Variants in APOLD1 observed in about 807,000 individuals in gnomAD.
APOLD1 encodes apolipoprotein L domain-containing protein 1.
In APOLD1, 22 loss-of-function variants were observed where a neutral mutation model predicts 15.3. That is an observed-to-expected ratio of 1.44 (90% CI 1.03 to 2.05). The LOEUF is 2.05. Among genes scored for constraint, APOLD1 ranks in the 30% most tolerant of loss-of-function variants. APOLD1 has a pLI of 0.00. For synonymous variants in APOLD1, 190 were observed against 167.4 expected, an observed-to-expected ratio of 1.13 and a Z score of -1.04; for missense variants, 394 against 353.5, an observed-to-expected ratio of 1.11 and a Z score of -0.92.
At chr12:12,773,071 C>A (rs1050123018) in intron 1 of APOLD1, among the ~76,000 whole-genome samples, 6 of 151,756 alleles carry the variant, frequency 4.0e-5, no homozygotes, top group Admixed American at 3.9e-4. Flanking sequence ...AGAGTGATAT[C>A]CTGTCTCTAA....
At chr12:12,784,010 G>A (rs1422696175), upstream of APOLD1, among the ~76,000 whole-genome samples, 4 of 152,048 alleles carry the variant, frequency 2.6e-5, no homozygotes, top group Non-Finnish European at 5.9e-5. Flanking sequence ...CCTCCATAAA[G>A]AGGCAAATAC....
At chr12:12,734,671 T>C (rs1012888044) in intron 1 of APOLD1, among the ~76,000 whole-genome samples, 1 of 152,220 alleles carries the variant, frequency 6.6e-6, no homozygotes, top group Non-Finnish European at 1.5e-5. Context: ...ACAAACCACA[T>C]ATTCAGAATC....
Position 12,788,776 on chromosome 12 carries a change from C to A in APOLD1, c.*1124C>A, listed in dbSNP as rs1592312829. 1.3e-5 allele frequency: 2 copies of A among 152,208 alleles called. No homozygotes were observed. Among genetic ancestry groups the A allele is most frequent in the African/African-American group, 2.4e-5 (1 of 41,458 alleles). The allele number at this position is 152,208 out of a possible 1,614,324, so 9.4% of individuals were successfully genotyped here. A position where few individuals can be genotyped will look rare whatever the true frequency, so the allele number is the denominator to read the frequency against. On this transcript the variant is annotated 3_prime_UTR_variant, in exon 2 of 2. Transcript: ENST00000356591. ...TGAAAATCACTGCAACAAATGCTAA[C>A]TTCTAATCCCCTTGATGAGCTTTCA...
At chr12:12,782,605 T>G (rs1159291374), upstream of APOLD1, among the ~76,000 whole-genome samples, 1 of 152,158 alleles carries the variant, frequency 6.6e-6, no homozygotes, top group Non-Finnish European at 1.5e-5. Flanking sequence ...AGGTCAAGGC[T>G]GCGGTGAGGC....
intron 1 of APOLD1, among the ~76,000 whole-genome samples, chr12:12,731,089 C>T (rs917322823): frequency 5.3e-5 from 8 of 151,926 alleles, no homozygotes; most frequent in Non-Finnish European, 1.0e-4. Flanking sequence ...TGCAGTGGGC[C>T]GAGATCGCAC....
chr12:12,743,418 C>G (rs868524517), intron 1 of APOLD1, among the ~76,000 whole-genome samples: 1 of 151,766 alleles, frequency 6.6e-6, no homozygotes, highest in Non-Finnish European at 1.5e-5. Context: ...ATGAGGAGAG[C>G]GGTTTGGATT....
chr12:12,760,680 A>G (rs182305134), intron 1 of APOLD1, among the ~76,000 whole-genome samples: 110 of 152,094 alleles, frequency 7.2e-4, no homozygotes, highest in African/African-American at 2.5e-3. Flanking sequence ...ACAACCAAAC[A>G]AACAAAACCC....
Position 12,790,760 on chromosome 12 carries a change from G to A in APOLD1, c.*3108G>A, listed in dbSNP as rs1033002917. 1 of 152,250 alleles carries A rather than the reference G, an allele frequency of 6.6e-6. No individual in the cohort carries two copies. Among genetic ancestry groups the A allele is most frequent in the Non-Finnish European group, 1.5e-5 (1 of 68,048 alleles). 9.4% of individuals were successfully genotyped at this position (152,250 alleles called of 1,614,324 possible). On this transcript the variant is annotated 3_prime_UTR_variant, in exon 2 of 2. Transcript: ENST00000356591. ...AACAAAAGATCATCCATCGCCTTAT[G>A]TGTGAGTAAGATTGGAGCCTCTATC... is the stretch of plus-strand genomic sequence containing the variant.
intron 1 of APOLD1, among the ~76,000 whole-genome samples, chr12:12,770,636 T>C (rs983139539): frequency 6.8e-6 from 1 of 146,624 alleles, no homozygotes; most frequent in African/African-American, 2.5e-5. Context: ...AAGGTATAAG[T>C]GTGTAATGAG....
intron 1 of APOLD1, among the ~76,000 whole-genome samples, chr12:12,766,623 T>C (rs906352990): frequency 2.0e-5 from 3 of 152,150 alleles, no homozygotes; most frequent in Non-Finnish European, 2.9e-5. Flanking sequence ...GTTATCTGCC[T>C]GGATCACCTA....
In APOLD1 at chr12:12,789,508, GAT is replaced by G. The variant is rs1443724273; in HGVS notation, c.*1858_*1859del. 1 of 152,216 alleles carries G rather than the reference GAT, an allele frequency of 6.6e-6. No homozygotes were observed. Among genetic ancestry groups the G allele is most frequent in the Non-Finnish European group, 1.5e-5 (1 of 68,028 alleles). The allele number at this position is 152,216 out of a possible 1,614,324, so 9.4% of individuals were successfully genotyped here. Reference sequence around the variant, plus strand: ...AAAGGAATCTATTTAGTTCAGGAAAGATAAAAAGTTTAGAGGTATGTGAAGGA... The same window carrying G: ...AAAGGAATCTATTTAGTTCAGGAAAGAAAAAGTTTAGAGGTATGTGAAGGA... On this transcript the variant is annotated 3_prime_UTR_variant, in exon 2 of 2. Coordinates refer to ENST00000356591, the MANE Select transcript of APOLD1 (RefSeq NM_030817.3).
intron 1 of APOLD1, among the ~76,000 whole-genome samples, chr12:12,772,412 G>A (rs994562646): frequency 3.9e-5 from 6 of 152,172 alleles, no homozygotes; most frequent in Non-Finnish European, 5.9e-5. Context: ...TGATAAAGGG[G>A]TCAATTCTCC....
At chr12:12,767,402 C>T (rs1391898665) in intron 1 of APOLD1, among the ~76,000 whole-genome samples, 1 of 152,148 alleles carries the variant, frequency 6.6e-6, no homozygotes, top group Admixed American at 6.5e-5. Context: ...TGGCTCACAC[C>T]TGTAATCCCA....
intron 1 of APOLD1, among the ~76,000 whole-genome samples, chr12:12,769,099 A>G (rs958536407): frequency 5.3e-5 from 8 of 151,860 alleles, no homozygotes; most frequent in Non-Finnish European, 8.8e-5. Flanking sequence ...GTGGTGGCAC[A>G]TGCCTGTAGT....
At chr12:12,748,247 G>T (rs963620883) in intron 1 of APOLD1, among the ~76,000 whole-genome samples, 3 of 152,176 alleles carry the variant, frequency 2.0e-5, no homozygotes, top group African/African-American at 7.2e-5. Flanking sequence ...TGAGAGATTG[G>T]CTTCCAATGT....
rs146801578 is a variant in APOLD1 at position 12,747,197 on chromosome 12, G to A, written c.96+21101G>A. ...TGCCATTATAGCTCACTGTAGCTTC[G>A]AATTCTTGGACTCAAGCAATCCTCC... On this transcript the variant is annotated intron_variant, in intron 1 of 1. Coordinates refer to the APOLD1 transcript ENST00000326765. 5.3e-5 allele frequency among the ~76,000 whole-genome samples: 8 copies of A among 152,126 alleles called. No individual in the cohort carries two copies. The East Asian group carries it at 5.8e-4, about 11-fold the overall frequency.
chr12:12,742,551 G>A (rs1197524452), intron 1 of APOLD1, among the ~76,000 whole-genome samples: 1 of 152,100 alleles, frequency 6.6e-6, no homozygotes, highest in Non-Finnish European at 1.5e-5. Context: ...TGGATCACAA[G>A]GTCAGGAGTT....
intron 1 of APOLD1, among the ~76,000 whole-genome samples, chr12:12,745,373 T>C (rs1946757883): frequency 6.6e-6 from 1 of 151,744 alleles, no homozygotes; most frequent in African/African-American, 2.4e-5. Flanking sequence ...CTACTAAAAA[T>C]ACAAAAACTA....
intron 1 of APOLD1, among the ~76,000 whole-genome samples, chr12:12,760,066 C>G (rs1946885019): frequency 6.6e-6 from 1 of 152,174 alleles, no homozygotes; most frequent in African/African-American, 2.4e-5. Flanking sequence ...AAACTTGTGT[C>G]CAGCTCATGC....
Sources: allele counts gnomAD v4.1 joint callset (sites outside exome capture counted in the v4.1 genomes callset), GRCh38; gene constraint gnomAD v4.1.1; transcripts MANE v1.5; gene names NCBI Gene and HGNC (gene_info 2026-07-23, HGNC 2026-07-21).